The following MALRD1 variants were observed in gnomAD, a reference collection of about 807,000 sequenced individuals.
The protein encoded by MALRD1 is MAM and LDL-receptor class A domain-containing protein 1.
Under a neutral mutation model 242.1 loss-of-function variants are expected in MALRD1, and 247 were observed. That is an observed-to-expected ratio of 1.02 (90% CI 0.92 to 1.13). The LOEUF (loss-of-function observed/expected upper bound fraction) is 1.13. Ranked by LOEUF, MALRD1 falls within the 50% of genes most tolerant of loss-of-function variation. The probability of loss-of-function intolerance (pLI) is 0.00; values close to 1 mark genes in which losing one functional copy is unlikely to be tolerated. For missense variants in MALRD1, 2,989 were observed against 2,533.1 expected (o/e 1.18, Z -3.86); for synonymous variants, 995 against 866.6 (o/e 1.15, Z -2.60).
At chr10:19,380,141 A>AT (rs749403101) in intron 26 of MALRD1, among the ~76,000 whole-genome samples, 206 of 151,242 alleles carry the variant, frequency 1.4e-3, no homozygotes, top group Non-Finnish European at 2.0e-3. Flanking sequence ...TGCCTGGCTA[A>AT]TTTTTGTATT....
At position 19,280,179 on chromosome 10, in the gene MALRD1, A is replaced by G. The variant is rs1003140353; in HGVS notation, c.3212A>G (p.Asp1071Gly). Residue 1071 changes from aspartate to glycine, a missense_variant, in exon 20 of 40, where the codon GAT (aspartate) becomes GGT (glycine). Coordinates refer to ENST00000454679, the MANE Select transcript of MALRD1 (RefSeq NM_001142308.3). ...TGCATTGAAAAAATGCAGAAATGTG[A>G]TTTTAAATATGACTGCCCTGACAAA... Reference protein sequence around the residue: ...GHCIEKMQKCDFKYDCPDKSD... With the variant: ...GHCIEKMQKCGFKYDCPDKSD... 1.3e-6 allele frequency: 2 copies of G among 1,538,378 alleles called. No homozygotes were observed. The highest frequency in any genetic ancestry group is 1.7e-6 in the Non-Finnish European group (2 of 1,143,112).
At chr10:19,483,534 T>G (rs1332042960) in intron 29 of MALRD1, among the ~76,000 whole-genome samples, 1 of 152,140 alleles carries the variant, frequency 6.6e-6, no homozygotes, top group Non-Finnish European at 1.5e-5. Flanking sequence ...TCAACGAACA[T>G]GAAAAATGTT....
At chr10:19,513,826 G>A (rs1014217638) in intron 31 of MALRD1, among the ~76,000 whole-genome samples, 3 of 152,060 alleles carry the variant, frequency 2.0e-5, no homozygotes, top group African/African-American at 7.2e-5. Context: ...AACAATTTCA[G>A]TATTGGCTGA....
intron 11 of MALRD1, 114 bp downstream of exon 11, chr10:19,146,458 T>A: frequency 3.1e-6 from 3 of 959,610 alleles, no homozygotes; most frequent in Non-Finnish European, 4.0e-6. Flanking sequence ...AACTCTGGTT[T>A]GTCTTGCTTT....
upstream of MALRD1, among the ~76,000 whole-genome samples, chr10:19,048,170 C>A (rs1834386304): frequency 1.3e-5 from 2 of 152,162 alleles, no homozygotes; most frequent in South Asian, 4.1e-4. Context: ...GAACACTGTT[C>A]TTAGCAGCAG....
rs111513481 is a variant in MALRD1 at position 19,387,837 on chromosome 10, T to C, written c.4687+64T>C. On this transcript the variant is annotated intron_variant, in intron 27 of 39. Transcript: ENST00000454679. ...TTCACAATGTACATCAAAATGTCTT[T>C]TCTGATAGCAACTGGGGAGCTCTGA... 3.3e-5 allele frequency: 50 copies of C among 1,499,972 alleles called. No homozygotes were observed. In the African/African-American group the frequency reaches 4.5e-4, roughly 13 times the overall value. 92.9% of individuals were successfully genotyped at this position (1,499,972 alleles called of 1,614,324 possible). A position where few individuals can be genotyped will look rare whatever the true frequency, so the allele number is the denominator to read the frequency against.
intron 36 of MALRD1, among the ~76,000 whole-genome samples, chr10:19,622,958 A>G (rs1452389036): frequency 6.6e-6 from 1 of 152,024 alleles, no homozygotes; most frequent in Non-Finnish European, 1.5e-5. Context: ...AAGTATTTGG[A>G]AAAGGGTAAA....
At chr10:19,413,502 CTA>C (rs924197449) in intron 28 of MALRD1, among the ~76,000 whole-genome samples, 12 of 151,390 alleles carry the variant, frequency 7.9e-5, no homozygotes, top group African/African-American at 4.9e-5. Flanking sequence ...GCTTTGAAAA[CTA>C]TGTTTCCAAT....
rs568424128 is a variant in MALRD1, at chr10:19,231,850, T to G, written c.2991+22170T>G. On this transcript the variant is annotated intron_variant, in intron 18 of 39. Transcript: ENST00000454679. ...TCCCGCTTTCTGTTTTTGTTTTTTT[T>G]CTAGCCTATATTTCTACTAAAACTT... Among the ~76,000 whole-genome samples, 23 of 152,208 alleles carry G rather than the reference T, an allele frequency of 1.5e-4. No individual in the cohort carries two copies. The East Asian group carries it at 4.4e-3, about 29-fold the overall frequency.
chr10:19,048,104 C>T (rs145712258), upstream of MALRD1, among the ~76,000 whole-genome samples: 36 of 152,258 alleles, frequency 2.4e-4, no homozygotes, highest in African/African-American at 8.4e-4. Flanking sequence ...AGGTGTTTCA[C>T]TTGTAAAAGT....
intron 34 of MALRD1, among the ~76,000 whole-genome samples, chr10:19,600,119 G>T (rs1435298513): frequency 6.6e-6 from 1 of 152,068 alleles, no homozygotes. Context: ...GCCACTTCTG[G>T]TGGTTTAGAA....
At chr10:19,290,191 T>C (rs1841340569) in intron 21 of MALRD1, 1 of 152,202 alleles carries the variant, frequency 6.6e-6, no homozygotes, top group Non-Finnish European at 1.5e-5. Context: ...TAATGGACTA[T>C]CCTTGGTACA....
chr10:19,169,734 T>C (rs1834842463), intron 13 of MALRD1, among the ~76,000 whole-genome samples: 2 of 152,230 alleles, frequency 1.3e-5, no homozygotes, highest in Admixed American at 6.5e-5. Context: ...AAAGATATTC[T>C]ACCTACAAAT....
chr10:19,235,715 T>G (rs2131713175), intron 18 of MALRD1, among the ~76,000 whole-genome samples: 1 of 151,954 alleles, frequency 6.6e-6, no homozygotes. Flanking sequence ...AAAGTAACGT[T>G]AATGAGATTT....
At position 19,205,301 on chromosome 10, in the gene MALRD1, T is replaced by C. The variant is rs1430983133; in HGVS notation, c.2578+36T>C. 3 of 1,502,806 alleles carry C rather than the reference T, an allele frequency of 2.0e-6. No homozygotes were observed. In the Admixed American group the frequency reaches 6.7e-5, roughly 34 times the overall value. 93.1% of individuals were successfully genotyped at this position (1,502,806 alleles called of 1,614,324 possible). On this transcript the variant is annotated intron_variant, in intron 17 of 39. Coordinates refer to ENST00000454679, the MANE Select transcript of MALRD1 (RefSeq NM_001142308.3). ...TTTGGTTGGGGGATTCTCTTTCTCA[T>C]TTTGAAAGTGTTGACCTTGATGAAT... is the stretch of plus-strand genomic sequence containing the variant.
At chr10:19,403,488 G>A (rs776009155) in intron 28 of MALRD1, among the ~76,000 whole-genome samples, 4 of 152,036 alleles carry the variant, frequency 2.6e-5, no homozygotes, top group Non-Finnish European at 4.4e-5. Flanking sequence ...CCTCTTTTAT[G>A]CTAACGTGTT....
rs541034471 is a variant in MALRD1, at chr10:19,233,136, G to A, written c.2991+23456G>A. On this transcript the variant is annotated intron_variant, in intron 18 of 39. Transcript: ENST00000454679. ...GTACATGAGATGTTTTGTTACAGGCGTGCAGTGTGAAATAATCACGTCATG... is the reference window on the plus strand; with the variant it reads ...GTACATGAGATGTTTTGTTACAGGCATGCAGTGTGAAATAATCACGTCATG... Among the ~76,000 whole-genome samples, 13 of 152,174 alleles carry A rather than the reference G, an allele frequency of 8.5e-5. No homozygotes were observed. The South Asian group carries it at 1.2e-3, about 15-fold the overall frequency.
rs78240874 is a variant in MALRD1, at chr10:19,100,141, C to G, written c.598-3838C>G. Among the ~76,000 whole-genome samples, 831 of 152,178 alleles carry G rather than the reference C, an allele frequency of 5.5e-3. 13 individuals carry two copies. The highest frequency in any genetic ancestry group is 0.019 in the African/African-American group (782 of 41,502). The stretch of plus-strand genomic sequence containing the variant: ...AGATTGTAACCCAAATCCTTGTCAA[C>G]TCTTTTCATTTAAATCTGTCTAGCT... On this transcript the variant is annotated intron_variant, in intron 4 of 39. Coordinates refer to ENST00000454679, the MANE Select transcript of MALRD1 (RefSeq NM_001142308.3).
At chr10:19,223,412 C>G (rs983926082) in intron 18 of MALRD1, among the ~76,000 whole-genome samples, 1 of 141,480 alleles carries the variant, frequency 7.1e-6, no homozygotes, top group Admixed American at 8.1e-5. Flanking sequence ...TTCAAGGAGT[C>G]TTCTAAGCAA....
Sources: gnomAD v4.1 joint callset for allele counts (sites outside exome capture counted in the v4.1 genomes callset) on GRCh38, gnomAD v4.1.1 for gene constraint, MANE v1.5 for transcripts, NCBI Gene and HGNC (gene_info 2026-07-23, HGNC 2026-07-21) for gene names.